The following POFUT2 variants were observed in gnomAD, a reference collection of about 807,000 sequenced individuals.
POFUT2 encodes the protein protein O-fucosyltransferase 2, also known as GDP-fucose protein O-fucosyltransferase 2.
In POFUT2, 30 loss-of-function variants were observed where a neutral mutation model predicts 55.0. The ratio of observed to expected loss-of-function variants is 0.55; its 90% CI spans 0.41 to 0.74. The LOEUF is 0.74. Among genes scored for constraint, POFUT2 ranks in the 30% least tolerant of loss-of-function variants. The pLI is 0.00. For missense variants in POFUT2, 524 were observed against 562.6 expected (o/e 0.93, Z 0.69); for synonymous variants, 267 against 231.1 (o/e 1.16, Z -1.41).
In POFUT2 at chr21:45,265,813, A is replaced by G; in HGVS notation, c.1137-178T>C. 7.1e-7 allele frequency: 1 copy of G among 1,414,726 alleles called. No homozygotes were observed. 87.6% of individuals were successfully genotyped at this position (1,414,726 alleles called of 1,614,324 possible). The stretch of plus-strand genomic sequence containing the variant: ...GCCCCCTTGCTGGCACCCCTCGCTC[A>G]GGTGCCCTCGACATCGGCGCCCTGA... On this transcript the variant is annotated intron_variant, in intron 8 of 8. Coordinates refer to ENST00000349485, the MANE Select transcript of POFUT2 (RefSeq NM_133635.6). The surrounding 1 kb of genome is among the most constrained non-coding windows in gnomAD (Gnocchi z 4.6).
intron 4 of POFUT2, among the ~76,000 whole-genome samples, chr21:45,280,446 G>A (rs1223386635): frequency 2.0e-5 from 3 of 152,136 alleles, no homozygotes; most frequent in Non-Finnish European, 4.4e-5. Context: ...AACGTTCCTG[G>A]GCAGGGGTCT....
Position 45,270,679 on chromosome 21 carries a change from G to A in POFUT2, c.832-660C>T, listed in dbSNP as rs2093211379. On this transcript the variant is annotated intron_variant, in intron 6 of 8. Coordinates refer to ENST00000349485, the MANE Select transcript of POFUT2 (RefSeq NM_133635.6). The surrounding 1 kb of genome is among the most constrained non-coding windows in gnomAD (Gnocchi z 4.6). The stretch of plus-strand genomic sequence containing the variant: ...CCCCGCCACCTCCAGCAGAGCAGGT[G>A]CTGGAACCCATGGCTGGGAGACCCG... Among the ~76,000 whole-genome samples the A allele has an allele frequency of 6.6e-6, 1 of 152,194 alleles. No individual in the cohort carries two copies. The highest frequency in any genetic ancestry group is 2.1e-4 in the South Asian group (1 of 4,824).
chr21:45,265,078 C>T lies in POFUT2; in HGVS notation c.*404G>A, dbSNP rs1170639366. 1.3e-5 allele frequency: 2 copies of T among 159,588 alleles called. No homozygotes were observed. The highest frequency in any genetic ancestry group is 2.7e-5 in the Non-Finnish European group (2 of 73,170). 9.9% of individuals were successfully genotyped at this position (159,588 alleles called of 1,614,324 possible). ...CCAGGGAAATGTCAGCCCGGGTCCACCTGACGGAGGGCAGCTCACCCGCCT... is the reference window on the plus strand; with the variant it reads ...CCAGGGAAATGTCAGCCCGGGTCCATCTGACGGAGGGCAGCTCACCCGCCT... On this transcript the variant is annotated 3_prime_UTR_variant, in exon 9 of 9. Transcript: ENST00000349485. This position sits in a 1 kb window ranked among gnomAD's most constrained non-coding sequence, Gnocchi z 4.6.
chr21:45,275,415 C>T (rs2093253811), intron 6 of POFUT2, among the ~76,000 whole-genome samples: 1 of 152,220 alleles, frequency 6.6e-6, no homozygotes, highest in Non-Finnish European at 1.5e-5. Context: ...AATCCCACTG[C>T]TGGGTATCTA....
At chr21:45,266,320 G>A (rs2093153855) in intron 8 of POFUT2, 1 of 1,361,202 alleles carries the variant, frequency 7.3e-7, no homozygotes. Context: ...AGGCCACACA[G>A]GCCTGTATGC....
rs374936952 is a variant in POFUT2, at chr21:45,265,444, G to A, written c.*38C>T. 4.5e-5 allele frequency: 70 copies of A among 1,559,822 alleles called. No homozygotes were observed. Among genetic ancestry groups the A allele is most frequent in the Admixed American group, 5.5e-5 (3 of 54,148 alleles). On this transcript the variant is annotated 3_prime_UTR_variant, in exon 9 of 9. Coordinates refer to ENST00000349485, the MANE Select transcript of POFUT2 (RefSeq NM_133635.6). The surrounding 1 kb of genome is among the most constrained non-coding windows in gnomAD (Gnocchi z 4.6). ...GGCGACAGAACCTGCATCCACCCGC[G>A]CCTGTCGGGTCCGGGGAGCGGCCCT... is the stretch of plus-strand genomic sequence containing the variant.
In POFUT2 at chr21:45,267,433, C is replaced by A. The variant is rs758332205; in HGVS notation, c.1136+157G>T. 6.2e-7 allele frequency: 1 copy of A among 1,612,228 alleles called. No individual in the cohort carries two copies. Among genetic ancestry groups the A allele is most frequent in the Non-Finnish European group, 8.5e-7 (1 of 1,178,598 alleles). ...AACTTCAGCCCAGGGAAACACTGAA[C>A]CAGATGCTACAGGAGACTCAGACGA... On this transcript the variant is annotated intron_variant, in intron 8 of 8. Coordinates refer to ENST00000349485, the MANE Select transcript of POFUT2 (RefSeq NM_133635.6). The surrounding 1 kb of genome is among the most constrained non-coding windows in gnomAD (Gnocchi z 4.4).
rs1439374428 is a variant in POFUT2 at position 45,287,834 on chromosome 21, GC to G, written c.37del (p.Ala13GlnfsTer58). The G allele has an allele frequency of 2.7e-6, 4 of 1,458,874 alleles. No individual in the cohort carries two copies. The highest frequency in any genetic ancestry group is 2.7e-5 in the South Asian group (2 of 73,544). 90.4% of individuals were successfully genotyped at this position (1,458,874 alleles called of 1,614,324 possible). On this transcript the variant is annotated frameshift_variant, in exon 1 of 9. Transcript: ENST00000349485. LOFTEE classifies it high-confidence loss of function. ...TLSFVFLLLGAVSWPPASASG... is the reference protein window; with the variant it reads ...TLSFVFLLLGXVSWPPASASG... ...GGCAGAAGCCGGAGGCCAGGACACT[GC>G]CCCCAGCAGCAGGAAGACGAAGCTG...
rs1281402977 is a variant in POFUT2, at chr21:45,270,475, C to T, written c.832-456G>A. On this transcript the variant is annotated intron_variant, in intron 6 of 8. Coordinates refer to ENST00000349485, the MANE Select transcript of POFUT2 (RefSeq NM_133635.6). This position sits in a 1 kb window ranked among gnomAD's most constrained non-coding sequence, Gnocchi z 4.6. Reference sequence around the variant, plus strand: ...AATGGCTACAGCAAATTCTAACCAACAACCCTGCTCCAAGGAAGGAGAAAG... The same window carrying T: ...AATGGCTACAGCAAATTCTAACCAATAACCCTGCTCCAAGGAAGGAGAAAG... Among the ~76,000 whole-genome samples, 1 of 152,248 alleles carries T rather than the reference C, an allele frequency of 6.6e-6. No homozygotes were observed. Among genetic ancestry groups the T allele is most frequent in the Non-Finnish European group, 1.5e-5 (1 of 68,044 alleles).
chr21:45,276,908 G>A (rs895811864), intron 6 of POFUT2, 109 bp downstream of exon 6: 14 of 1,231,606 alleles, frequency 1.1e-5, no homozygotes, highest in East Asian at 2.4e-5. Context: ...AGGCATCCAC[G>A]CCCACAGACA....
chr21:45,277,177 C>G lies in POFUT2; in HGVS notation c.706-35G>C. On this transcript the variant is annotated intron_variant, in intron 5 of 8. Transcript: ENST00000349485. This position sits in a 1 kb window ranked among gnomAD's most constrained non-coding sequence, Gnocchi z 6.9. ...CGGCGACGGCTCGGCTGAGAACACG[C>G]CCGCCCGCCACGCAGCCCTCCCGGA... The G allele has an allele frequency of 6.2e-7, 1 of 1,601,866 alleles. No individual in the cohort carries two copies. Among genetic ancestry groups the G allele is most frequent in the Non-Finnish European group, 8.5e-7 (1 of 1,176,264 alleles).
chr21:45,281,777 G>T lies in POFUT2; in HGVS notation c.638+572C>A, dbSNP rs1418657062. ...CGGAGAGGGTCCCAGTCTGCAGCAAGTTCTAAGAACGTGGCCATCAACAAT... is the reference window on the plus strand; with the variant it reads ...CGGAGAGGGTCCCAGTCTGCAGCAATTTCTAAGAACGTGGCCATCAACAAT... On this transcript the variant is annotated intron_variant, in intron 4 of 8. Coordinates refer to ENST00000349485, the MANE Select transcript of POFUT2 (RefSeq NM_133635.6). The surrounding 1 kb of genome is among the most constrained non-coding windows in gnomAD (Gnocchi z 5.0). Among the ~76,000 whole-genome samples, 1 of 152,064 alleles carries T rather than the reference G, an allele frequency of 6.6e-6. No homozygotes were observed. The highest frequency in any genetic ancestry group is 6.5e-5 in the Admixed American group (1 of 15,268).
In POFUT2 at chr21:45,285,034, G is replaced by C. The variant is rs920119931; in HGVS notation, c.382+644C>G. ...CAGGGAGCAAAGGTCTCTAAGCCCC[G>C]AGAGTGGCTGTCGAGTAAGAACTCA... On this transcript the variant is annotated intron_variant, in intron 2 of 8. Coordinates refer to ENST00000349485, the MANE Select transcript of POFUT2 (RefSeq NM_133635.6). The surrounding 1 kb of genome is among the most constrained non-coding windows in gnomAD (Gnocchi z 4.9). Among the ~76,000 whole-genome samples the C allele has an allele frequency of 2.0e-5, 3 of 152,192 alleles. No homozygotes were observed. Among genetic ancestry groups the C allele is most frequent in the South Asian group, 2.1e-4 (1 of 4,834 alleles).
At chr21:45,286,290 T>A (rs1228930026) in intron 1 of POFUT2, among the ~76,000 whole-genome samples, 2 of 152,240 alleles carry the variant, frequency 1.3e-5, no homozygotes, top group African/African-American at 4.8e-5. Flanking sequence ...TGTCTATTGA[T>A]ACGTCCTATG....
In POFUT2 at chr21:45,281,464, C is replaced by T. The variant is rs764243317; in HGVS notation, c.638+885G>A. On this transcript the variant is annotated intron_variant, in intron 4 of 8. Transcript: ENST00000349485. The surrounding 1 kb of genome is among the most constrained non-coding windows in gnomAD (Gnocchi z 5.0). ...GCTGGCTGAGCAGCAGACACGCGGG[C>T]CTGTGATGGAGCCACCTGCCTTCAC... Among the ~76,000 whole-genome samples the T allele has an allele frequency of 3.9e-5, 6 of 152,200 alleles. No homozygotes were observed. In the South Asian group the frequency reaches 1.0e-3, roughly 26 times the overall value.
In POFUT2 at chr21:45,264,608, T is replaced by C. The variant is rs140235453; in HGVS notation, c.*874A>G. On this transcript the variant is annotated 3_prime_UTR_variant, in exon 9 of 9. Coordinates refer to ENST00000349485, the MANE Select transcript of POFUT2 (RefSeq NM_133635.6). Reference sequence around the variant, plus strand: ...AGTTCTCAATAGCGAATGGCAGACCTGGAGGCCCCATGTGCACCTGCCAGC... The same window carrying C: ...AGTTCTCAATAGCGAATGGCAGACCCGGAGGCCCCATGTGCACCTGCCAGC... 3,103 of 148,904 alleles carry C rather than the reference T, an allele frequency of 0.021. 119 individuals are homozygous for C. Among genetic ancestry groups the C allele is most frequent in the African/African-American group, 0.071 (2,864 of 40,414 alleles). 9.2% of individuals were successfully genotyped at this position (148,904 alleles called of 1,614,324 possible).
Position 45,263,961 on chromosome 21 carries a change from A to G in POFUT2, c.*1521T>C, listed in dbSNP as rs1485816897. The G allele has an allele frequency of 6.6e-6, 1 of 152,240 alleles. No homozygotes were observed. The highest frequency in any genetic ancestry group is 1.5e-5 in the Non-Finnish European group (1 of 68,038). The allele number at this position is 152,240 out of a possible 1,614,324, so 9.4% of individuals were successfully genotyped here. A position where few individuals can be genotyped will look rare whatever the true frequency, so the allele number is the denominator to read the frequency against. On this transcript the variant is annotated 3_prime_UTR_variant, in exon 9 of 9. Transcript: ENST00000349485. ...TCCATAAAGCAGTTTATTTTTCTTA[A>G]AAAGGAAGGTACATGGTCACAGTCC...
At chr21:45,278,027 C>T (rs2030015437) in intron 5 of POFUT2, 76 bp downstream of exon 5, 1 of 1,143,702 alleles carries the variant, frequency 8.7e-7, no homozygotes, top group Non-Finnish European at 1.3e-6. Flanking sequence ...GAGCTGTCGA[C>T]TGTTTTAAAT....
In POFUT2 at chr21:45,267,387, A is replaced by G. The variant is rs2093165680; in HGVS notation, c.1136+203T>C. On this transcript the variant is annotated intron_variant, in intron 8 of 8. Coordinates refer to ENST00000349485, the MANE Select transcript of POFUT2 (RefSeq NM_133635.6). This position sits in a 1 kb window ranked among gnomAD's most constrained non-coding sequence, Gnocchi z 4.4. ...TGGAGGAATTCTGTGCATGAGAACTAAAGGGGCAAGATGAACAATTAACTT... is the reference window on the plus strand; with the variant it reads ...TGGAGGAATTCTGTGCATGAGAACTGAAGGGGCAAGATGAACAATTAACTT... 2.5e-6 allele frequency: 4 copies of G among 1,596,206 alleles called. No individual in the cohort carries two copies. In the South Asian group the frequency reaches 3.4e-5, roughly 13 times the overall value.
Sources: allele counts gnomAD v4.1 joint callset (sites outside exome capture counted in the v4.1 genomes callset), GRCh38; gene constraint gnomAD v4.1.1; non-coding constraint Gnocchi (gnomAD v3.1); transcripts MANE v1.5; gene names NCBI Gene and HGNC (gene_info 2026-07-23, HGNC 2026-07-21).